Variants in FOXP1 observed in about 807,000 individuals in gnomAD.
The protein encoded by FOXP1 is forkhead box P1.
In FOXP1, 15 loss-of-function variants were observed where a neutral mutation model predicts 98.2. The ratio of observed to expected loss-of-function variants is 0.15; its 90% CI spans 0.10 to 0.24. The LOEUF (loss-of-function observed/expected upper bound fraction) is 0.24. Ranked by LOEUF, FOXP1 falls within the 10% of genes least tolerant of loss-of-function variation. The pLI is 1.00. For synonymous variants in FOXP1, 371 were observed against 314.5 expected, an observed-to-expected ratio of 1.18 and a Z score of -1.90; for missense variants, 633 against 848.5, an observed-to-expected ratio of 0.75 and a Z score of 3.15.
chr3:71,042,936 C>T (rs979279162), intron 10 of FOXP1, among the ~76,000 whole-genome samples: 4 of 152,078 alleles, frequency 2.6e-5, no homozygotes, highest in African/African-American at 9.7e-5. Flanking sequence ...TCTAATGAGG[C>T]GATGGACTCC....
At chr3:71,128,124 G>A (rs182021902) in intron 6 of FOXP1, among the ~76,000 whole-genome samples, 23 of 152,188 alleles carry the variant, frequency 1.5e-4, no homozygotes, top group Admixed American at 3.9e-4. Flanking sequence ...GTCTTGATAC[G>A]ACTGGGCCAG....
intron 20 of FOXP1, among the ~76,000 whole-genome samples, chr3:70,964,262 A>G (rs1464277349): frequency 2.6e-5 from 4 of 152,260 alleles, no homozygotes; most frequent in Admixed American, 1.3e-4. Context: ...AGACTATTGT[A>G]AAACATGGTT....
At chr3:71,449,167 T>C (rs1301755411) in intron 3 of FOXP1, among the ~76,000 whole-genome samples, 2 of 152,058 alleles carry the variant, frequency 1.3e-5, no homozygotes, top group Admixed American at 6.6e-5. Flanking sequence ...AGCAAAAAAT[T>C]GATGTGTTTT....
chr3:71,564,781 C>T (rs1189906902), intron 2 of FOXP1, among the ~76,000 whole-genome samples: 1 of 152,074 alleles, frequency 6.6e-6, no homozygotes, highest in Non-Finnish European at 1.5e-5. Flanking sequence ...AAGTTATTTC[C>T]ATAACATTTT....
chr3:71,051,447 T>C (rs1315477293), intron 9 of FOXP1, among the ~76,000 whole-genome samples: 2 of 152,136 alleles, frequency 1.3e-5, no homozygotes, highest in Non-Finnish European at 2.9e-5. Context: ...GGAGAATGTC[T>C]GGGTCACTCC....
chr3:71,240,937 G>A lies in FOXP1; in HGVS notation c.-11-42545C>T, dbSNP rs1354840139. ...AATTAAACTTTTACCTTCGCTGGGCGCGGTTTCTCACGCCTGTAATCCCAG... is the reference window on the plus strand; with the variant it reads ...AATTAAACTTTTACCTTCGCTGGGCACGGTTTCTCACGCCTGTAATCCCAG... On this transcript the variant is annotated intron_variant, in intron 5 of 20. Coordinates refer to ENST00000649528, the MANE Select transcript of FOXP1 (RefSeq NM_001349338.3). 5.3e-5 allele frequency among the ~76,000 whole-genome samples: 8 copies of A among 151,836 alleles called. No homozygotes were observed. The East Asian group carries it at 7.8e-4, about 15-fold the overall frequency.
chr3:71,531,801 C>T (rs1447536160), intron 2 of FOXP1, among the ~76,000 whole-genome samples: 5 of 152,214 alleles, frequency 3.3e-5, no homozygotes, highest in African/African-American at 1.2e-4. Flanking sequence ...TTCAGGTAGA[C>T]AGATCCTTCA....
chr3:71,149,419 T>C (rs766033034), intron 6 of FOXP1, among the ~76,000 whole-genome samples: 1 of 152,190 alleles, frequency 6.6e-6, no homozygotes, highest in Non-Finnish European at 1.5e-5. Flanking sequence ...TTAAAAGACA[T>C]GGGATAAGAA....
chr3:71,092,060 C>T (rs933629983), intron 7 of FOXP1, among the ~76,000 whole-genome samples: 20 of 152,106 alleles, frequency 1.3e-4, no homozygotes, highest in Non-Finnish European at 2.5e-4. Context: ...TGGTGGCACA[C>T]GCCTGTAGTC....
chr3:71,537,917 C>T (rs957834616), intron 2 of FOXP1, among the ~76,000 whole-genome samples: 5 of 152,166 alleles, frequency 3.3e-5, no homozygotes, highest in Non-Finnish European at 7.3e-5. Flanking sequence ...ATTGAAATTT[C>T]GGTATTCATA....
intron 4 of FOXP1, among the ~76,000 whole-genome samples, chr3:71,318,363 T>A (rs551978823): frequency 9.2e-5 from 14 of 152,274 alleles, no homozygotes; most frequent in Non-Finnish European, 2.1e-4. Context: ...CTTCCCTGAA[T>A]AAACGAAAAT....
In FOXP1 at chr3:71,270,623, G is replaced by T. The variant is rs553573612; in HGVS notation, c.-12+29197C>A. ...AAATTTCGTCTTAACAACCAAGAGG[G>T]ATGAGAGTTTTATCCTGTAACCTGG... On this transcript the variant is annotated intron_variant, in intron 5 of 20. Coordinates refer to ENST00000649528, the MANE Select transcript of FOXP1 (RefSeq NM_001349338.3). Among the ~76,000 whole-genome samples, 59 of 152,322 alleles carry T rather than the reference G, an allele frequency of 3.9e-4. No individual in the cohort carries two copies. In the South Asian group the frequency reaches 4.8e-3, roughly 12 times the overall value.
intron 7 of FOXP1, among the ~76,000 whole-genome samples, chr3:71,085,577 G>A (rs1336336027): frequency 6.6e-6 from 1 of 151,626 alleles, no homozygotes; most frequent in African/African-American, 2.4e-5. Context: ...TTACTATTAA[G>A]GAATATTATA....
chr3:70,992,244 G>C (rs2040716516), intron 13 of FOXP1, among the ~76,000 whole-genome samples: 1 of 152,190 alleles, frequency 6.6e-6, no homozygotes, highest in Non-Finnish European at 1.5e-5. Flanking sequence ...CACGGACTGA[G>C]AAGGCCTTAA....
intron 3 of FOXP1, among the ~76,000 whole-genome samples, chr3:71,380,506 TC>T (rs1482039626): frequency 2.6e-5 from 4 of 152,132 alleles, no homozygotes; most frequent in Non-Finnish European, 4.4e-5. Flanking sequence ...TTAAGAAGGC[TC>T]CCTTTGCTTT....
chr3:71,200,354 C>T (rs1046179664), intron 5 of FOXP1, among the ~76,000 whole-genome samples: 1 of 152,176 alleles, frequency 6.6e-6, no homozygotes, highest in Non-Finnish European at 1.5e-5. Context: ...ATGATTGTTA[C>T]CCCCAGTTTG....
intron 6 of FOXP1, among the ~76,000 whole-genome samples, chr3:71,133,946 T>A (rs1036516280): frequency 2.6e-5 from 4 of 152,208 alleles, no homozygotes; most frequent in Non-Finnish European, 2.9e-5. Flanking sequence ...AATTTTAAAT[T>A]GAATATTTTT....
intron 4 of FOXP1, among the ~76,000 whole-genome samples, chr3:71,336,010 CAAAAAAAAAAAAAAAA>C (rs60051890): frequency 2.6e-4 from 9 of 34,092 alleles, no homozygotes; most frequent in South Asian, 2.0e-3. Context: ...AACTCCATCT[CAAAAAAAAAAAAAAAA>C]AAAAAAAAAA....
chr3:70,959,677 C>A (rs1167989545), intron 20 of FOXP1, among the ~76,000 whole-genome samples: 1 of 152,194 alleles, frequency 6.6e-6, no homozygotes. Context: ...TGCATCACTG[C>A]GTAAAGTTCT....
Sources: allele counts gnomAD v4.1 joint callset (sites outside exome capture counted in the v4.1 genomes callset), GRCh38; gene constraint gnomAD v4.1.1; transcripts MANE v1.5; gene names NCBI Gene and HGNC (gene_info 2026-07-23, HGNC 2026-07-21).